RGS6: variants seen among roughly 807,000 people sequenced by gnomAD.
RGS6 encodes regulator of G protein signaling 6.
In RGS6, 30 loss-of-function variants were observed where a neutral mutation model predicts 78.5. The ratio of observed to expected loss-of-function variants is 0.38; its 90% CI spans 0.29 to 0.52. The LOEUF is 0.52. RGS6 is among the 20% of genes least tolerant of loss of function. The probability of loss-of-function intolerance (pLI) is 0.85; values close to 1 mark genes in which losing one functional copy is unlikely to be tolerated. For missense variants in RGS6, 495 were observed against 609.7 expected, an observed-to-expected ratio of 0.81 and a Z score of 1.98; for synonymous variants, 206 against 206.0, an observed-to-expected ratio of 1.00 and a Z score of 0.00.
chr14:72,286,435 G>A (rs1303295056), intron 2 of RGS6, among the ~76,000 whole-genome samples: 3 of 152,074 alleles, frequency 2.0e-5, no homozygotes, highest in African/African-American at 7.2e-5. Flanking sequence ...TTTGAAATCA[G>A]GAAGTGTGAT....
At chr14:72,430,794 C>T (rs2094598557) in intron 3 of RGS6, among the ~76,000 whole-genome samples, 1 of 152,148 alleles carries the variant, frequency 6.6e-6, no homozygotes. Context: ...TTTATCTTGC[C>T]TCCCAAATGC....
rs567814927 is a variant in RGS6, at chr14:72,356,190, C to A, written c.184+3996C>A. On this transcript the variant is annotated intron_variant, in intron 3 of 17. Coordinates refer to ENST00000553525, the MANE Select transcript of RGS6 (RefSeq NM_001204424.2). ...ATCGCATCTCAAATTATAATCCCCA[C>A]ATGGCAAGGGAGGGACCTGGTGGTA... 2.0e-5 allele frequency among the ~76,000 whole-genome samples: 3 copies of A among 152,276 alleles called. No homozygotes were observed. In the East Asian group the frequency reaches 5.8e-4, roughly 29 times the overall value.
At chr14:71,920,708 A>C in the RGS6 span, among the ~76,000 whole-genome samples, 1 of 152,244 alleles carries the variant, frequency 6.6e-6, no homozygotes. Context: ...GGGGTATTTT[A>C]AATACTAACT....
intron 2 of RGS6, among the ~76,000 whole-genome samples, chr14:72,235,141 CT>C (rs2050683114): frequency 3.9e-5 from 6 of 152,148 alleles, no homozygotes; most frequent in Admixed American, 3.9e-4. Flanking sequence ...TTCTTGGCAT[CT>C]GGAACGGTAA....
chr14:71,904,637 C>G, the RGS6 span, among the ~76,000 whole-genome samples: 1 of 152,178 alleles, frequency 6.6e-6, no homozygotes, highest in Admixed American at 6.5e-5. Context: ...CCAAGAGATT[C>G]TTGATAATTT....
the RGS6 span, among the ~76,000 whole-genome samples, chr14:71,898,323 C>A: frequency 2.6e-5 from 4 of 152,098 alleles, no homozygotes; most frequent in Non-Finnish European, 5.9e-5. Flanking sequence ...CACCATCTTA[C>A]TCTTTTTGAG....
chr14:72,017,305 T>C (rs551859975), intron 2 of RGS6, among the ~76,000 whole-genome samples: 1 of 152,376 alleles, frequency 6.6e-6, no homozygotes, highest in East Asian at 1.9e-4. Flanking sequence ...TTTTTGTATA[T>C]CTTGCTGAAC....
chr14:72,406,722 T>C (rs1279611286), intron 3 of RGS6, among the ~76,000 whole-genome samples: 1 of 152,198 alleles, frequency 6.6e-6, no homozygotes, highest in East Asian at 1.9e-4. Flanking sequence ...TGCAACAGTA[T>C]AGGTATGTTC....
chr14:72,424,071 G>A (rs1430676274), intron 3 of RGS6, among the ~76,000 whole-genome samples: 1 of 152,218 alleles, frequency 6.6e-6, no homozygotes, highest in African/African-American at 2.4e-5. Context: ...CAGGCATGAG[G>A]TGGTTCCAGT....
chr14:72,381,242 T>C (rs2086011173), intron 3 of RGS6, among the ~76,000 whole-genome samples: 1 of 152,118 alleles, frequency 6.6e-6, no homozygotes, highest in African/African-American at 2.4e-5. Flanking sequence ...TATAGCACTG[T>C]AGAATAACTC....
chr14:72,340,695 C>T (rs2076830727), intron 2 of RGS6, among the ~76,000 whole-genome samples: 1 of 152,216 alleles, frequency 6.6e-6, no homozygotes, highest in Middle Eastern at 3.2e-3. Context: ...ACTTCATTCT[C>T]ACCCTTCTTG....
intron 3 of RGS6, among the ~76,000 whole-genome samples, chr14:72,398,475 A>C (rs963282617): frequency 4.0e-5 from 6 of 151,856 alleles, no homozygotes; most frequent in African/African-American, 7.3e-5. Flanking sequence ...GTGGTCTATC[A>C]ATTTTGTTGA....
chr14:71,975,100 G>C (rs999883423), intron 2 of RGS6, among the ~76,000 whole-genome samples: 4 of 152,232 alleles, frequency 2.6e-5, no homozygotes, highest in Non-Finnish European at 5.9e-5. Context: ...GCTGCAGTGG[G>C]CCATGATTGT....
At chr14:71,978,604 GGATGAAGCCCACTT>G (rs2094277679) in intron 2 of RGS6, among the ~76,000 whole-genome samples, 1 of 128,256 alleles carries the variant, frequency 7.8e-6, no homozygotes, top group South Asian at 3.0e-4. Flanking sequence ...TGCATCCCAG[GGATGAAGCCCACTT>G]GATCATGGTG....
At chr14:71,891,098 T>G in the RGS6 span, among the ~76,000 whole-genome samples, 1 of 152,300 alleles carries the variant, frequency 6.6e-6, no homozygotes, top group Admixed American at 6.5e-5. Flanking sequence ...TGCCAACAGT[T>G]TCCCAGTCTA....
intron 2 of RGS6, among the ~76,000 whole-genome samples, chr14:72,156,777 A>G (rs1283697215): frequency 6.6e-6 from 1 of 152,200 alleles, no homozygotes; most frequent in Non-Finnish European, 1.5e-5. Context: ...GTTAAAGGCA[A>G]AGGCTGCAGC....
chr14:72,250,251 A>G (rs1365019744), intron 2 of RGS6, among the ~76,000 whole-genome samples: 1 of 151,984 alleles, frequency 6.6e-6, no homozygotes, highest in African/African-American at 2.4e-5. Flanking sequence ...AAAAAAAAAA[A>G]GTAACTGTGT....
chr14:72,254,906 T>A (rs543921948), intron 2 of RGS6, among the ~76,000 whole-genome samples: 2 of 152,344 alleles, frequency 1.3e-5, no homozygotes, highest in South Asian at 2.1e-4. Flanking sequence ...AGAGTTGTTC[T>A]TTATCATGAT....
the RGS6 span, among the ~76,000 whole-genome samples, chr14:72,624,762 A>G: frequency 6.6e-6 from 1 of 152,192 alleles, no homozygotes; most frequent in South Asian, 2.1e-4. Flanking sequence ...CATGAGCTTG[A>G]CACTTTCAAA....
Sources: gnomAD v4.1 joint callset for allele counts (sites outside exome capture counted in the v4.1 genomes callset) on GRCh38, gnomAD v4.1.1 for gene constraint, MANE v1.5 for transcripts, NCBI Gene and HGNC (gene_info 2026-07-23, HGNC 2026-07-21) for gene names.